SULF1: variants seen among roughly 807,000 people sequenced by gnomAD.
The protein encoded by SULF1 is sulfatase 1, also known as extracellular sulfatase Sulf-1.
A neutral mutation model predicts 110.5 loss-of-function variants in SULF1; 46 were observed. The ratio of observed to expected loss-of-function variants is 0.42; its 90% CI spans 0.33 to 0.53. The LOEUF is 0.53. SULF1 is among the 20% of genes least tolerant of loss of function. The probability of loss-of-function intolerance (pLI) is 0.12; values close to 1 mark genes in which losing one functional copy is unlikely to be tolerated. For synonymous variants in SULF1, 371 were observed against 387.1 expected (o/e 0.96, Z 0.49); for missense variants, 941 against 1,094.2 (o/e 0.86, Z 1.98).
At chr8:69,529,049 T>C (rs759897356) in intron 3 of SULF1, among the ~76,000 whole-genome samples, 2 of 152,152 alleles carry the variant, frequency 1.3e-5, no homozygotes, top group Non-Finnish European at 2.9e-5. Flanking sequence ...TACAAAGTTA[T>C]TTAAACCTCA....
At chr8:69,592,994 G>T in intron 8 of SULF1, 1 of 984,566 alleles carries the variant, frequency 1.0e-6, no homozygotes, top group Non-Finnish European at 1.2e-6. Context: ...GTAAGTGCCA[G>T]TTTGGAGAAC....
chr8:69,578,362 TA>T (rs1805776342), intron 6 of SULF1, among the ~76,000 whole-genome samples: 1 of 152,124 alleles, frequency 6.6e-6, no homozygotes, highest in Non-Finnish European at 1.5e-5. Flanking sequence ...TTTATTTTAT[TA>T]TTATTATACT....
intron 13 of SULF1, among the ~76,000 whole-genome samples, chr8:69,615,766 A>C (rs1344879196): frequency 6.6e-6 from 1 of 152,154 alleles, no homozygotes; most frequent in African/African-American, 2.4e-5. Context: ...CCCATAGGAA[A>C]CCAACAAAGA....
intron 17 of SULF1, 68 bp downstream of exon 17, chr8:69,627,934 T>G: frequency 2.5e-6 from 3 of 1,201,194 alleles, no homozygotes; most frequent in Non-Finnish European, 3.6e-6. Flanking sequence ...GCATTAGCAC[T>G]GGGCTCATTT....
intron 15 of SULF1, among the ~76,000 whole-genome samples, chr8:69,625,729 C>T (rs1487578263): frequency 6.6e-6 from 1 of 152,156 alleles, no homozygotes; most frequent in South Asian, 2.1e-4. Context: ...AAAGAGTGAG[C>T]AGTAGCAAGA....
chr8:69,469,439 T>A (rs1345583936), intron 1 of SULF1: 1 of 152,224 alleles, frequency 6.6e-6, no homozygotes, highest in Non-Finnish European at 1.5e-5. Context: ...AAAGCTTGAT[T>A]TGTGAAAGTG....
At chr8:69,588,225 T>C (rs1554583555) in intron 7 of SULF1, among the ~76,000 whole-genome samples, 1 of 151,922 alleles carries the variant, frequency 6.6e-6, no homozygotes. Flanking sequence ...CAGCCCCCCC[T>C]GACTGTGGGT....
chr8:69,562,558 T>A (rs1815576132), intron 3 of SULF1, among the ~76,000 whole-genome samples: 1 of 152,162 alleles, frequency 6.6e-6, no homozygotes, highest in Admixed American at 6.5e-5. Flanking sequence ...AAGATTTTAT[T>A]TTTTTAATGA....
chr8:69,604,845 A>G lies in SULF1; in HGVS notation c.1290A>G (p.Gln430=). The part of the protein sequence containing the change: ...RKKEESSKNI[Q]QSNHLPKYER... ...AGGAAGAATCCAGCAAGAATATCCA[A>G]CAGTCAAATCACTTGCCCAAATATG... is the stretch of plus-strand genomic sequence containing the variant. Residue 430 remains glutamine, a synonymous_variant, in exon 13 of 23, where the codon CAA becomes CAG. Transcript: ENST00000402687. The G allele has an allele frequency of 6.2e-7, 1 of 1,614,218 alleles. No individual in the cohort carries two copies. Among genetic ancestry groups the G allele is most frequent in the Non-Finnish European group, 8.5e-7 (1 of 1,180,036 alleles).
chr8:69,652,456 T>C (rs1340529168), intron 22 of SULF1, among the ~76,000 whole-genome samples: 1 of 152,248 alleles, frequency 6.6e-6, no homozygotes, highest in Non-Finnish European at 1.5e-5. Context: ...CTCTTTTCAT[T>C]GAAGATTTGT....
chr8:69,586,501 A>T lies in SULF1; in HGVS notation c.557A>T (p.Tyr186Phe), dbSNP rs760932395. ...NGIKEKHGFD[Y>F]AKDYFTDLIT... is the part of the protein sequence containing the mutation. ...ATCAAAGAAAAGCATGGATTTGATT[A>T]TGCAAAGGTAATTTTCAGGCACTTT... Residue 186 changes from tyrosine (Y) to phenylalanine (F), a missense_variant, in exon 7 of 23, where the codon TAT (tyrosine) becomes TTT (phenylalanine). This residue lies in a region of SULF1 where 822 missense variants were observed against 934.3 expected (regional missense o/e 0.88). Transcript: ENST00000402687. 1 of 1,609,380 alleles carries T rather than the reference A, an allele frequency of 6.2e-7. No homozygotes were observed. Among genetic ancestry groups the T allele is most frequent in the South Asian group, 1.1e-5 (1 of 89,982 alleles).
At chr8:69,580,935 G>T (rs1042491437) in intron 6 of SULF1, among the ~76,000 whole-genome samples, 1 of 152,082 alleles carries the variant, frequency 6.6e-6, no homozygotes, top group Admixed American at 6.5e-5. Flanking sequence ...TCTCTAATAT[G>T]AGATTTTTTA....
At chr8:69,571,685 T>C (rs1379392926) in intron 5 of SULF1, among the ~76,000 whole-genome samples, 2 of 152,208 alleles carry the variant, frequency 1.3e-5, no homozygotes, top group African/African-American at 4.8e-5. Context: ...CGGACAGACA[T>C]TGTCCTGTCC....
intron 1 of SULF1, among the ~76,000 whole-genome samples, chr8:69,476,534 T>G (rs1809304577): frequency 6.6e-6 from 1 of 152,204 alleles, no homozygotes; most frequent in South Asian, 2.1e-4. Context: ...AATGTAGCCC[T>G]GTTACTGAAA....
chr8:69,585,998 A>T (rs1378793438), intron 6 of SULF1, among the ~76,000 whole-genome samples: 3 of 152,220 alleles, frequency 2.0e-5, no homozygotes, highest in Non-Finnish European at 4.4e-5. Context: ...CGGTGGTTGC[A>T]TTCCAAATCT....
At chr8:69,558,846 G>GA (rs1198949389) in intron 3 of SULF1, among the ~76,000 whole-genome samples, 1 of 151,950 alleles carries the variant, frequency 6.6e-6, no homozygotes, top group African/African-American at 2.4e-5. Context: ...ACTTACAAGT[G>GA]AAAACTGAGA....
chr8:69,486,877 T>C (rs1809735387), intron 1 of SULF1, among the ~76,000 whole-genome samples: 1 of 152,230 alleles, frequency 6.6e-6, no homozygotes, highest in Admixed American at 6.5e-5. Flanking sequence ...CATAAGGTAT[T>C]ACTACTGTTG....
chr8:69,489,571 CTTTTTTTTTTTTT>C (rs61391745), upstream of SULF1, among the ~76,000 whole-genome samples: 1 of 91,960 alleles, frequency 1.1e-5, no homozygotes, highest in Non-Finnish European at 2.0e-5. Flanking sequence ...CTTTCTTTCT[CTTTTTTTTTTTTT>C]TTTTTTTTTT....
chr8:69,604,688 T>G, intron 12 of SULF1, 115 bp from the exon 13 acceptor site: 2 of 1,341,652 alleles, frequency 1.5e-6, no homozygotes, highest in Non-Finnish European at 1.0e-6. Flanking sequence ...ATCTATTTCT[T>G]GCTGTTTAAA....
Sources: gnomAD v4.1 joint callset for allele counts (sites outside exome capture counted in the v4.1 genomes callset) on GRCh38, gnomAD v4.1.1 for gene constraint, gnomAD v4.1.1 regional missense constraint, MANE v1.5 for transcripts, NCBI Gene and HGNC (gene_info 2026-07-23, HGNC 2026-07-21) for gene names.